The following SPOCK1 variants were observed in gnomAD, a reference collection of about 807,000 sequenced individuals.
SPOCK1 encodes the protein SPARC (osteonectin), cwcv and kazal like domains proteoglycan 1, also known as testican-1.
In SPOCK1, 23 loss-of-function variants were observed where a neutral mutation model predicts 55.3. The observed-to-expected ratio is 0.42, with a 90% CI of 0.30 to 0.59. SPOCK1 has a LOEUF of 0.59. Ranked by LOEUF, SPOCK1 falls within the 20% of genes least tolerant of loss-of-function variation. The pLI, the probability that SPOCK1 is intolerant of heterozygous loss-of-function variation, is 0.22. For missense variants in SPOCK1, 499 were observed against 552.5 expected, an observed-to-expected ratio of 0.90 and a Z score of 0.97; for synonymous variants, 226 against 221.0, an observed-to-expected ratio of 1.02 and a Z score of -0.20.
chr5:137,312,242 A>AG (rs1757801002), intron 2 of SPOCK1, among the ~76,000 whole-genome samples: 1 of 152,142 alleles, frequency 6.6e-6, no homozygotes, highest in Non-Finnish European at 1.5e-5. Context: ...AGAGCTTACC[A>AG]TGCCTGGTCC....
chr5:137,140,747 ATTTTTT>A (rs11309240), intron 3 of SPOCK1, 53 bp from the exon 4 acceptor site: 444 of 351,912 alleles, frequency 1.3e-3, no homozygotes, highest in African/African-American at 2.1e-3. Flanking sequence ...GGGAAATTTA[ATTTTTT>A]TTTTTTTTTT....
At chr5:137,375,949 C>T (rs75963463) in intron 2 of SPOCK1, among the ~76,000 whole-genome samples, 139 of 152,288 alleles carry the variant, frequency 9.1e-4, no homozygotes, top group African/African-American at 3.3e-3. Flanking sequence ...GAAGAATGCT[C>T]CCTTCCTCTG....
chr5:137,303,370 C>T (rs910940937), intron 2 of SPOCK1, among the ~76,000 whole-genome samples: 2 of 152,016 alleles, frequency 1.3e-5, no homozygotes, highest in Non-Finnish European at 2.9e-5. Flanking sequence ...GCCTCACATA[C>T]ATTTTCTTAT....
intron 3 of SPOCK1, among the ~76,000 whole-genome samples, chr5:137,168,793 G>A (rs1754696267): frequency 6.6e-6 from 1 of 152,100 alleles, no homozygotes; most frequent in African/African-American, 2.4e-5. Flanking sequence ...TAACAGTTTG[G>A]AGGTTCCTCA....
intron 2 of SPOCK1, among the ~76,000 whole-genome samples, chr5:137,464,330 G>C (rs927841983): frequency 2.0e-5 from 3 of 151,860 alleles, no homozygotes; most frequent in African/African-American, 4.8e-5. Flanking sequence ...ACAAACAAAG[G>C]CTTGAAGGGA....
intron 3 of SPOCK1, among the ~76,000 whole-genome samples, chr5:137,240,494 C>T (rs1756261107): frequency 6.6e-6 from 1 of 152,182 alleles, no homozygotes; most frequent in Admixed American, 6.5e-5. Context: ...CTAAGCCATT[C>T]ATGAGGGCTA....
intron 2 of SPOCK1, among the ~76,000 whole-genome samples, chr5:137,393,228 A>G (rs1352698276): frequency 6.6e-6 from 1 of 152,162 alleles, no homozygotes; most frequent in Non-Finnish European, 1.5e-5. Context: ...GTCACCTTGC[A>G]GAGGGCTTAC....
At chr5:137,341,179 G>A (rs1254640665) in intron 2 of SPOCK1, among the ~76,000 whole-genome samples, 2 of 152,234 alleles carry the variant, frequency 1.3e-5, no homozygotes, top group Admixed American at 6.5e-5. Context: ...TTCTGCACGC[G>A]CTTGGCAGAC....
chr5:137,022,432 G>C (rs1022381983), intron 6 of SPOCK1, among the ~76,000 whole-genome samples: 1 of 152,164 alleles, frequency 6.6e-6, no homozygotes, highest in African/African-American at 2.4e-5. Context: ...AACCACCATA[G>C]ATACTGACGA....
At chr5:137,105,507 G>A (rs1178964160) in intron 5 of SPOCK1, among the ~76,000 whole-genome samples, 1 of 152,178 alleles carries the variant, frequency 6.6e-6, no homozygotes, top group African/African-American at 2.4e-5. Flanking sequence ...ATCTTGAGAA[G>A]TCTTACACAT....
intron 2 of SPOCK1, among the ~76,000 whole-genome samples, chr5:137,288,639 G>A (rs1757310262): frequency 6.6e-6 from 1 of 152,148 alleles, no homozygotes; most frequent in South Asian, 2.1e-4. Flanking sequence ...TGCCAAGCCT[G>A]GACACCAGGC....
intron 6 of SPOCK1, among the ~76,000 whole-genome samples, chr5:137,051,571 T>C (rs1328379261): frequency 1.3e-5 from 2 of 152,220 alleles, no homozygotes; most frequent in Middle Eastern, 3.4e-3. Flanking sequence ...TGGACCTGAC[T>C]GGATAAAAAC....
At chr5:137,495,830 A>C (rs898613260) in intron 2 of SPOCK1, among the ~76,000 whole-genome samples, 1 of 152,212 alleles carries the variant, frequency 6.6e-6, no homozygotes, top group African/African-American at 2.4e-5. Context: ...CAACACTTTA[A>C]AGAGGTTAAT....
At chr5:137,163,820 A>T (rs1321495127) in intron 3 of SPOCK1, among the ~76,000 whole-genome samples, 1 of 152,150 alleles carries the variant, frequency 6.6e-6, no homozygotes, top group Non-Finnish European at 1.5e-5. Flanking sequence ...GTGACTCTCA[A>T]TTTCCCTGTT....
At chr5:137,071,004 T>G (rs183793567) in intron 5 of SPOCK1, among the ~76,000 whole-genome samples, 40 of 145,620 alleles carry the variant, frequency 2.7e-4, no homozygotes, top group African/African-American at 9.0e-4. Flanking sequence ...TATATGTAGC[T>G]CAAAAGGCCA....
chr5:137,337,537 C>A (rs190651257), intron 2 of SPOCK1, among the ~76,000 whole-genome samples: 1 of 152,184 alleles, frequency 6.6e-6, no homozygotes, highest in East Asian at 1.9e-4. Flanking sequence ...TCACAACATC[C>A]TCCACTTCCG....
chr5:136,983,655 G>A (rs1750780340), intron 9 of SPOCK1, among the ~76,000 whole-genome samples: 1 of 150,556 alleles, frequency 6.6e-6, no homozygotes, highest in African/African-American at 2.4e-5. Flanking sequence ...GCCCTGGGTT[G>A]GTAAGAAGCA....
At chr5:137,400,143 G>A (rs1751944736) in intron 2 of SPOCK1, among the ~76,000 whole-genome samples, 1 of 152,228 alleles carries the variant, frequency 6.6e-6, no homozygotes, top group Non-Finnish European at 1.5e-5. Flanking sequence ...CCCCTCTGCA[G>A]TCAGTGTGTG....
At chr5:137,200,029 C>A (rs1438954157) in intron 3 of SPOCK1, among the ~76,000 whole-genome samples, 1 of 152,248 alleles carries the variant, frequency 6.6e-6, no homozygotes, top group East Asian at 1.9e-4. Context: ...GTGCCCTGAG[C>A]CTGCGCTAGA....
Sources: allele counts gnomAD v4.1 joint callset (sites outside exome capture counted in the v4.1 genomes callset), GRCh38; gene constraint gnomAD v4.1.1; transcripts MANE v1.5; gene names NCBI Gene and HGNC (gene_info 2026-07-23, HGNC 2026-07-21).